The following AHCY variants were observed in gnomAD, a reference collection of about 807,000 sequenced individuals.
AHCY encodes the protein S-adenosyl-L-homocysteine hydrolase.
In AHCY, 24 loss-of-function variants were observed where a neutral mutation model predicts 45.4. That is an observed-to-expected ratio of 0.53 (90% confidence interval 0.38 to 0.74). The LOEUF (loss-of-function observed/expected upper bound fraction) is 0.74, where lower values mean the gene tolerates loss of function less well. Ranked by LOEUF, AHCY falls within the 30% of genes least tolerant of loss-of-function variation. The pLI is 0.00. For missense variants in AHCY, 449 were observed against 594.1 expected (o/e 0.76, Z 2.54); for synonymous variants, 245 against 235.1 (o/e 1.04, Z -0.39).
intron 8 of AHCY, among the ~76,000 whole-genome samples, chr20:34,287,021 CA>C (rs1234484093): frequency 2.0e-5 from 3 of 152,002 alleles, no homozygotes; most frequent in Non-Finnish European, 2.9e-5. Flanking sequence ...TGTCTGAACA[CA>C]CAAACTTGCT....
the AHCY span, chr20:34,260,566 G>C: frequency 1.3e-6 from 2 of 1,574,036 alleles, no homozygotes; most frequent in Non-Finnish European, 1.7e-6. Context: ...CTCTGGCCCA[G>C]GAGAGGGGCT....
intron 9 of AHCY, among the ~76,000 whole-genome samples, chr20:34,283,773 C>A (rs1471180978): frequency 6.6e-6 from 1 of 152,244 alleles, no homozygotes; most frequent in African/African-American, 2.4e-5. Flanking sequence ...CAAGACATTG[C>A]TCCAGGGAGA....
At chr20:34,235,866 A>AAGGAAGGG in the AHCY span, among the ~76,000 whole-genome samples, 196 of 36,804 alleles carry the variant, frequency 5.3e-3, 3 homozygotes, top group African/African-American at 0.011. Context: ...GGAAGGAAGG[A>AAGGAAGGG]AAGGAAGGAA....
At chr20:34,268,988 C>A in the AHCY span, 1 of 1,601,440 alleles carries the variant, frequency 6.2e-7, no homozygotes, top group East Asian at 2.3e-5. Context: ...GTTTCCCACG[C>A]AGAAGGAGGC....
At chr20:34,233,399 G>A in the AHCY span, among the ~76,000 whole-genome samples, 5 of 151,824 alleles carry the variant, frequency 3.3e-5, no homozygotes, top group South Asian at 2.1e-4. Context: ...TGCCCACCTC[G>A]GCCTCCCACA....
the AHCY span, among the ~76,000 whole-genome samples, chr20:34,255,777 G>C: frequency 7.0e-4 from 107 of 152,208 alleles, no homozygotes; most frequent in Non-Finnish European, 1.0e-3. Flanking sequence ...GGGCTTCCTG[G>C]TCTAGCAGTA....
At chr20:34,300,809 G>A (rs1308332972) in intron 1 of AHCY, among the ~76,000 whole-genome samples, 1 of 150,834 alleles carries the variant, frequency 6.6e-6, no homozygotes, top group East Asian at 2.0e-4. Flanking sequence ...AAGAGATCCA[G>A]GGAGACCTGC....
At chr20:34,241,497 T>C in the AHCY span, 1 of 985,446 alleles carries the variant, frequency 1.0e-6, no homozygotes, top group Non-Finnish European at 1.2e-6. Context: ...CATGTGAGTT[T>C]AGATGGCAAC....
chr20:34,303,290 G>C lies in AHCY; in HGVS notation c.-20C>G, dbSNP rs78216699. 6.4e-7 allele frequency: 1 copy of C among 1,551,644 alleles called. No homozygotes were observed. The highest frequency in any genetic ancestry group is 8.7e-7 in the Non-Finnish European group (1 of 1,147,002). ...AGACATGCTGGCGGCACTCGTGATG[G>C]AAACGGGCGAAGGGGGCTGGGCCTC... On this transcript the variant is annotated 5_prime_UTR_variant, in exon 1 of 10. Coordinates refer to ENST00000217426, the MANE Select transcript of AHCY (RefSeq NM_000687.4).
upstream of AHCY, among the ~76,000 whole-genome samples, chr20:34,306,310 A>G (rs867448578): frequency 6.6e-6 from 1 of 152,012 alleles, no homozygotes; most frequent in African/African-American, 2.4e-5. Context: ...CTAGCAGCAG[A>G]ATGTTCTAGC....
upstream of AHCY, among the ~76,000 whole-genome samples, chr20:34,303,534 G>T (rs560881870): frequency 1.3e-5 from 2 of 152,338 alleles, no homozygotes; most frequent in East Asian, 1.9e-4. Context: ...GGAAGGGAGC[G>T]CCGGGAGAGG....
intron 3 of AHCY, among the ~76,000 whole-genome samples, 188 bp from the exon 4 acceptor site, chr20:34,292,695 C>T (rs2036439141): frequency 6.6e-6 from 1 of 152,244 alleles, no homozygotes; most frequent in African/African-American, 2.4e-5. Flanking sequence ...AACCCTGGCT[C>T]TGCCACTTGC....
the AHCY span, among the ~76,000 whole-genome samples, chr20:34,235,844 G>A: frequency 0.26 from 6,247 of 24,442 alleles, 544 homozygotes; most frequent in Middle Eastern, 0.31. Context: ...AAAGAAAGAA[G>A]GAAGGAAGGA....
chr20:34,308,717 G>A (rs954340124), intron 1 of AHCY, among the ~76,000 whole-genome samples: 11 of 150,500 alleles, frequency 7.3e-5, no homozygotes, highest in Non-Finnish European at 1.3e-4. Context: ...GCAGTGGTGC[G>A]ATCTCTGTTC....
chr20:34,310,262 T>C (rs2036934694), intron 1 of AHCY, among the ~76,000 whole-genome samples: 1 of 152,312 alleles, frequency 6.6e-6, no homozygotes, highest in African/African-American at 2.4e-5. Flanking sequence ...GGTTTCACTA[T>C]GTTGGCCAGG....
At chr20:34,271,826 A>G in the AHCY span, among the ~76,000 whole-genome samples, 3 of 151,814 alleles carry the variant, frequency 2.0e-5, no homozygotes, top group Non-Finnish European at 4.4e-5. Context: ...CAGCCTCCCA[A>G]AGTTCTGGGA....
chr20:34,246,150 A>T, the AHCY span: 10 of 1,008,286 alleles, frequency 9.9e-6, no homozygotes, highest in South Asian at 1.4e-4. Context: ...GCAAGGCCAC[A>T]CACTCTTGTC....
At position 34,290,486 on chromosome 20, in the gene AHCY, G is replaced by A. The variant is rs759244743; in HGVS notation, c.855-37C>T. 72 of 1,613,628 alleles carry A rather than the reference G, an allele frequency of 4.5e-5. No individual in the cohort carries two copies. The highest frequency in any genetic ancestry group is 5.8e-5 in the Non-Finnish European group (69 of 1,179,658). On this transcript the variant is annotated intron_variant, in intron 7 of 9. Transcript: ENST00000217426. This position sits in a 1 kb window ranked among gnomAD's most constrained non-coding sequence, Gnocchi z 4.5. ...CCCAAGACCGTGGGAGATTGTCAGGGACAGAAAGCTGTCCCAACTCTGCCC... is the reference window on the plus strand; with the variant it reads ...CCCAAGACCGTGGGAGATTGTCAGGAACAGAAAGCTGTCCCAACTCTGCCC...
the AHCY span, chr20:34,262,763 CCT>C: frequency 6.4e-7 from 1 of 1,571,632 alleles, no homozygotes; most frequent in Non-Finnish European, 8.8e-7. Flanking sequence ...CCCCTCTGCC[CCT>C]CTCACTTCAC....
Sources: gnomAD v4.1 joint callset for allele counts (sites outside exome capture counted in the v4.1 genomes callset) on GRCh38, gnomAD v4.1.1 for gene constraint, Gnocchi (gnomAD v3.1) non-coding constraint, MANE v1.5 for transcripts, NCBI Gene and HGNC (gene_info 2026-07-23, HGNC 2026-07-21) for gene names.